ANKS1B: variants seen among roughly 807,000 people sequenced by gnomAD.
ANKS1B encodes the protein ankyrin repeat and sterile alpha motif domain containing 1B.
ANKS1B carries 36 observed loss-of-function variants against 148.3 expected under a neutral mutation model. The observed-to-expected ratio is 0.24, with a 90% CI of 0.19 to 0.32. The LOEUF (loss-of-function observed/expected upper bound fraction) is 0.32, where lower values mean the gene tolerates loss of function less well. Among genes scored for constraint, ANKS1B ranks in the 10% least tolerant of loss-of-function variants. ANKS1B has a pLI of 1.00. For missense variants in ANKS1B, 1,157 were observed against 1,542.6 expected (o/e 0.75, Z 4.19); for synonymous variants, 542 against 560.8 (o/e 0.97, Z 0.47).
chr12:99,823,275 G>C (rs1307826204), intron 2 of ANKS1B, among the ~76,000 whole-genome samples: 1 of 151,904 alleles, frequency 6.6e-6, no homozygotes, highest in Non-Finnish European at 1.5e-5. Flanking sequence ...GTGCAGAAGT[G>C]CTTTAGTTTA....
intron 15 of ANKS1B, among the ~76,000 whole-genome samples, chr12:99,088,441 G>T (rs2052731377): frequency 6.6e-6 from 1 of 152,062 alleles, no homozygotes; most frequent in Non-Finnish European, 1.5e-5. Context: ...TTTTTGGTTG[G>T]TATCATTATA....
intron 18 of ANKS1B, among the ~76,000 whole-genome samples, chr12:98,830,003 C>T (rs911881912): frequency 6.6e-5 from 10 of 152,140 alleles, no homozygotes; most frequent in Admixed American, 2.0e-4. Flanking sequence ...CCTTCTCCTC[C>T]GGATATTCTG....
intron 9 of ANKS1B, among the ~76,000 whole-genome samples, chr12:99,560,631 AGT>A (rs2097323752): frequency 6.6e-6 from 1 of 152,162 alleles, no homozygotes. Context: ...TATTCTACTT[AGT>A]GTGCAATAGC....
chr12:99,920,992 A>T (rs866433166), intron 1 of ANKS1B, among the ~76,000 whole-genome samples: 2 of 152,210 alleles, frequency 1.3e-5, no homozygotes, highest in South Asian at 4.1e-4. Context: ...CAAGTTTGAC[A>T]CATAAAATTA....
At position 99,729,066 on chromosome 12, in the gene ANKS1B, G is replaced by C. The variant is rs184117010; in HGVS notation, c.1128+43856C>G. 2.4e-4 allele frequency among the ~76,000 whole-genome samples: 36 copies of C among 152,272 alleles called. No individual in the cohort carries two copies. In the East Asian group the frequency reaches 3.9e-3, roughly 16 times the overall value. ...GCAGTGGTCTATAACTGAATCTGTA[G>C]TACCTCCAAGATATGCCTGTGTAAA... On this transcript the variant is annotated intron_variant, in intron 8 of 26. Transcript: ENST00000683438.
At chr12:98,998,507 C>A (rs1459031234) in intron 17 of ANKS1B, among the ~76,000 whole-genome samples, 1 of 152,074 alleles carries the variant, frequency 6.6e-6, no homozygotes, top group Non-Finnish European at 1.5e-5. Flanking sequence ...AGTAAGACAA[C>A]ATATTTCTTC....
In ANKS1B at chr12:99,651,945, ATAT is replaced by A. The variant is rs545629268; in HGVS notation, c.1272+3119_1272+3121del. On this transcript the variant is annotated intron_variant, in intron 9 of 26. Transcript: ENST00000683438. ...CTATATATATGTACAAATATACTATATATACACAAAAATATGCTATACATATTA... is the reference window on the plus strand; with the variant it reads ...CTATATATATGTACAAATATACTATAACACAAAAATATGCTATACATATTA... Among the ~76,000 whole-genome samples the A allele has an allele frequency of 1.6e-4, 24 of 151,792 alleles. No individual in the cohort carries two copies. In the South Asian group the frequency reaches 5.0e-3, roughly 31 times the overall value.
chr12:98,743,389 G>A (rs1443544305), downstream of ANKS1B, among the ~76,000 whole-genome samples: 1 of 152,188 alleles, frequency 6.6e-6, no homozygotes, highest in Non-Finnish European at 1.5e-5. Context: ...CAATTAAATG[G>A]AGTAATTGAA....
intron 8 of ANKS1B, among the ~76,000 whole-genome samples, chr12:99,719,626 T>C (rs1417437031): frequency 6.6e-6 from 1 of 152,188 alleles, no homozygotes; most frequent in African/African-American, 2.4e-5. Context: ...CCCTCACTCT[T>C]GCAAAAGCAC....
At chr12:99,744,060 C>T (rs984427824) in intron 8 of ANKS1B, among the ~76,000 whole-genome samples, 2 of 152,170 alleles carry the variant, frequency 1.3e-5, no homozygotes, top group Admixed American at 1.3e-4. Flanking sequence ...AACTAAGGAA[C>T]TTGAGCATCC....
chr12:99,848,344 G>T (rs1282831581), intron 1 of ANKS1B, among the ~76,000 whole-genome samples: 1 of 152,276 alleles, frequency 6.6e-6, no homozygotes, highest in East Asian at 1.9e-4. Context: ...TAGAGAGAAA[G>T]AACAGACCAT....
At chr12:99,759,369 A>G (rs1189312041) in intron 8 of ANKS1B, among the ~76,000 whole-genome samples, 1 of 151,966 alleles carries the variant, frequency 6.6e-6, no homozygotes, top group African/African-American at 2.4e-5. Context: ...GAGAATCCCA[A>G]TTCTTCAGCT....
intron 12 of ANKS1B, among the ~76,000 whole-genome samples, chr12:99,248,899 T>C (rs944228474): frequency 6.6e-6 from 1 of 152,252 alleles, no homozygotes; most frequent in African/African-American, 2.4e-5. Flanking sequence ...ATGCTTCTCC[T>C]GTTCATGACT....
intron 15 of ANKS1B, among the ~76,000 whole-genome samples, chr12:99,105,838 G>T (rs940999005): frequency 6.6e-6 from 1 of 151,308 alleles, no homozygotes. Context: ...ACCATATTAT[G>T]CAGTAGAGAC....
At chr12:99,847,990 G>A (rs955153843) in intron 1 of ANKS1B, among the ~76,000 whole-genome samples, 1 of 152,020 alleles carries the variant, frequency 6.6e-6, no homozygotes, top group Non-Finnish European at 1.5e-5. Context: ...ACAGTTTCTA[G>A]AATGTATGGA....
intron 9 of ANKS1B, among the ~76,000 whole-genome samples, chr12:99,554,604 G>A (rs974095377): frequency 2.0e-5 from 3 of 152,276 alleles, no homozygotes; most frequent in African/African-American, 7.2e-5. Flanking sequence ...GTTTTCTACT[G>A]CACTAACCAT....
chr12:98,940,895 T>G (rs192115846), intron 17 of ANKS1B, among the ~76,000 whole-genome samples: 223 of 152,308 alleles, frequency 1.5e-3, no homozygotes, highest in Admixed American at 3.3e-3. Flanking sequence ...ATTCTCAGAA[T>G]GTAAGGTTAA....
At chr12:99,781,138 T>C (rs554319505) in intron 5 of ANKS1B, among the ~76,000 whole-genome samples, 41 of 151,836 alleles carry the variant, frequency 2.7e-4, no homozygotes, top group Non-Finnish European at 5.4e-4. Context: ...TAAATACATG[T>C]TTAAATTTGC....
intron 9 of ANKS1B, among the ~76,000 whole-genome samples, chr12:99,537,372 C>T (rs2097081092): frequency 6.6e-6 from 1 of 152,038 alleles, no homozygotes; most frequent in African/African-American, 2.4e-5. Flanking sequence ...AATTTACATT[C>T]CCACTAACAG....
Sources: allele counts gnomAD v4.1 joint callset (sites outside exome capture counted in the v4.1 genomes callset), GRCh38; gene constraint gnomAD v4.1.1; transcripts MANE v1.5; gene names NCBI Gene and HGNC (gene_info 2026-07-23, HGNC 2026-07-21).